The following ATL1 variants were observed in gnomAD, a reference collection of about 807,000 sequenced individuals.
The protein encoded by ATL1 is atlastin GTPase 1, also known as atlastin-1.
In ATL1, 31 loss-of-function variants were observed where a neutral mutation model predicts 75.5. That is an observed-to-expected ratio of 0.41 (90% CI 0.31 to 0.55). The LOEUF is 0.55. Among genes scored for constraint, ATL1 ranks in the 20% least tolerant of loss-of-function variants. ATL1 has a pLI of 0.27. For missense variants in ATL1, 405 were observed against 662.6 expected (o/e 0.61, Z 4.27); for synonymous variants, 226 against 233.3 (o/e 0.97, Z 0.28).
chr14:50,544,394 A>C (rs2038602334), intron 1 of ATL1, among the ~76,000 whole-genome samples: 1 of 152,206 alleles, frequency 6.6e-6, no homozygotes, highest in Non-Finnish European at 1.5e-5. Context: ...CCCCCGTCTT[A>C]GGGAATAAAT....
At position 50,621,831 on chromosome 14, in the gene ATL1, C is replaced by CTT; in HGVS notation, c.991-4_991-3dup. 4 of 1,509,514 alleles carry CTT rather than the reference C, an allele frequency of 2.6e-6. No individual in the cohort carries two copies. The highest frequency in any genetic ancestry group is 3.7e-6 in the Non-Finnish European group (4 of 1,091,368). The allele number at this position is 1,509,514 out of a possible 1,614,324, so 93.5% of individuals were successfully genotyped here. Reference sequence around the variant, plus strand: ...GAATTGCTTGAACATGAATCTTTTTCTTTTTTTTTAGGCTTATATAAAGAT... The same window carrying CTT: ...GAATTGCTTGAACATGAATCTTTTTCTTTTTTTTTTTAGGCTTATATAAAGAT... On this transcript the variant is annotated splice_polypyrimidine_tract_variant and intron_variant, in intron 9 of 13. Transcript: ENST00000358385.
upstream of ATL1, among the ~76,000 whole-genome samples, chr14:50,558,305 G>A (rs1298409312): frequency 2.6e-5 from 4 of 152,222 alleles, no homozygotes; most frequent in Non-Finnish European, 5.9e-5. Context: ...GTTGTAGTGA[G>A]CTGAGATCAC....
chr14:50,623,129 A>G, intron 10 of ATL1, 48 bp from the exon 11 acceptor site: 1 of 1,532,884 alleles, frequency 6.5e-7, no homozygotes, highest in Non-Finnish European at 9.0e-7. Context: ...GTGGAAGTTT[A>G]ATCAATATGA....
At chr14:50,558,905 G>C (rs2038798244), upstream of ATL1, among the ~76,000 whole-genome samples, 1 of 151,798 alleles carries the variant, frequency 6.6e-6, no homozygotes, top group African/African-American at 2.4e-5. Flanking sequence ...CTTGGTTACA[G>C]TGTTCACGAC....
chr14:50,632,214 A>ATG lies in ATL1; in HGVS notation c.1567-14_1567-13dup. 2 of 1,577,292 alleles carry ATG rather than the reference A, an allele frequency of 1.3e-6. No homozygotes were observed. Among genetic ancestry groups the ATG allele is most frequent in the Non-Finnish European group, 1.7e-6 (2 of 1,154,458 alleles). On this transcript the variant is annotated splice_polypyrimidine_tract_variant and intron_variant, in intron 13 of 13. Coordinates refer to ENST00000358385, the MANE Select transcript of ATL1 (RefSeq NM_015915.5). ...TTTAATAAAATGTTTTATAATTTTG[A>ATG]TGCTTTTATTCTAGGCTTTGTACAA...
intron 6 of ATL1, among the ~76,000 whole-genome samples, chr14:50,600,950 A>T (rs934306779): frequency 1.7e-4 from 26 of 152,164 alleles, no homozygotes; most frequent in African/African-American, 6.0e-4. Flanking sequence ...AAAAAGTGAA[A>T]GAAAAAAAAT....
intron 1 of ATL1, among the ~76,000 whole-genome samples, chr14:50,570,606 A>G (rs981978714): frequency 1.3e-5 from 2 of 152,046 alleles, no homozygotes; most frequent in Non-Finnish European, 2.9e-5. Flanking sequence ...TTTTGTTTGT[A>G]TGTCATTTTC....
chr14:50,625,287 T>A (rs564846551), intron 11 of ATL1, among the ~76,000 whole-genome samples: 1 of 152,094 alleles, frequency 6.6e-6, no homozygotes, highest in African/African-American at 2.4e-5. Context: ...AGAAGAAAAG[T>A]TGGAAGCTAG....
upstream of ATL1, among the ~76,000 whole-genome samples, chr14:50,558,011 A>AT (rs1416537818): frequency 3.9e-5 from 6 of 152,348 alleles, no homozygotes; most frequent in East Asian, 1.2e-3. Context: ...ATTAAAAAGA[A>AT]TGGTGATGCA....
intron 1 of ATL1, among the ~76,000 whole-genome samples, chr14:50,574,301 T>A (rs959899855): frequency 6.6e-6 from 1 of 152,220 alleles, no homozygotes; most frequent in Admixed American, 6.5e-5. Flanking sequence ...AAGGCAATAA[T>A]GGCTTTTCCT....
chr14:50,542,425 C>CA (rs1401482780), intron 1 of ATL1: 4 of 152,168 alleles, frequency 2.6e-5, no homozygotes, highest in African/African-American at 9.6e-5. Flanking sequence ...CAAACCTGCA[C>CA]ATTCTGTACA....
chr14:50,533,565 A>G (rs1334834496), intron 1 of ATL1, among the ~76,000 whole-genome samples: 1 of 152,150 alleles, frequency 6.6e-6, no homozygotes, highest in Non-Finnish European at 1.5e-5. Context: ...CTGAAGGTAG[A>G]AATTAAGTTG....
chr14:50,584,468 C>A (rs903122842), intron 1 of ATL1, among the ~76,000 whole-genome samples: 1 of 152,116 alleles, frequency 6.6e-6, no homozygotes, highest in Non-Finnish European at 1.5e-5. Context: ...CTTTGGGAGG[C>A]CGAGGCGGGC....
At chr14:50,537,414 G>A (rs552398823) in intron 1 of ATL1, among the ~76,000 whole-genome samples, 2 of 152,344 alleles carry the variant, frequency 1.3e-5, no homozygotes, top group South Asian at 2.1e-4. Context: ...TGCTAGGGTG[G>A]TGCGAAAGGG....
At chr14:50,576,579 GA>G (rs1012140495) in intron 1 of ATL1, among the ~76,000 whole-genome samples, 4 of 151,682 alleles carry the variant, frequency 2.6e-5, no homozygotes, top group African/African-American at 7.3e-5. Flanking sequence ...ATTTCTGAAT[GA>G]AAAAAAAATT....
chr14:50,572,436 A>C (rs1398344977), intron 1 of ATL1, among the ~76,000 whole-genome samples: 1 of 152,068 alleles, frequency 6.6e-6, no homozygotes, highest in Non-Finnish European at 1.5e-5. Flanking sequence ...CAGTTTTAGT[A>C]ATTTACATTT....
intron 1 of ATL1, among the ~76,000 whole-genome samples, chr14:50,570,590 T>C (rs2038945992): frequency 6.6e-6 from 1 of 152,146 alleles, no homozygotes; most frequent in South Asian, 2.1e-4. Context: ...TTTACTGAAA[T>C]TTGTATTTTG....
At chr14:50,628,791 A>G (rs2039548737) in intron 12 of ATL1, among the ~76,000 whole-genome samples, 2 of 152,034 alleles carry the variant, frequency 1.3e-5, no homozygotes, top group African/African-American at 4.8e-5. Flanking sequence ...ATCTCAGCTC[A>G]CTGCAACCTC....
At position 50,542,834 on chromosome 14, in the gene ATL1, G is replaced by A. The variant is rs557570571; in HGVS notation, c.-140+9467G>A. On this transcript the variant is annotated intron_variant, in intron 1 of 13. Coordinates refer to the ATL1 transcript ENST00000441560. ...AAAGATAGGAGGAGAAATTCTCCCAGTGGATATAACTTTGAACAATACATC... is the reference window on the plus strand; with the variant it reads ...AAAGATAGGAGGAGAAATTCTCCCAATGGATATAACTTTGAACAATACATC... Among the ~76,000 whole-genome samples, 5 of 152,344 alleles carry A rather than the reference G, an allele frequency of 3.3e-5. No homozygotes were observed. The South Asian group carries it at 1.0e-3, about 32-fold the overall frequency.
Sources: allele counts gnomAD v4.1 joint callset (sites outside exome capture counted in the v4.1 genomes callset), GRCh38; gene constraint gnomAD v4.1.1; transcripts MANE v1.5; gene names NCBI Gene and HGNC (gene_info 2026-07-23, HGNC 2026-07-21).